COPE: variants seen among roughly 807,000 people sequenced by gnomAD.
COPE encodes coat protein complex I subunit epsilon, also known as coatomer subunit epsilon.
COPE carries 19 observed loss-of-function variants against 42.1 expected under a neutral mutation model. The observed-to-expected ratio is 0.45, with a 90% CI of 0.31 to 0.66. COPE has a LOEUF of 0.66. COPE is among the 30% of genes least tolerant of loss of function. The pLI, the probability that COPE is intolerant of heterozygous loss-of-function variation, is 0.05. For missense variants in COPE, 402 were observed against 416.1 expected, an observed-to-expected ratio of 0.97 and a Z score of 0.30; for synonymous variants, 195 against 181.3, an observed-to-expected ratio of 1.08 and a Z score of -0.60.
At chr19:18,911,314 G>A in intron 2 of COPE, 2 of 535,066 alleles carry the variant, frequency 3.7e-6, no homozygotes, top group East Asian at 3.1e-5. Context: ...GACCCTGGTA[G>A]GTTACTGTCT....
rs2056806132 is a variant in COPE, at chr19:18,911,108, C to A, written c.190-37G>T. On this transcript the variant is annotated intron_variant, in intron 2 of 9. Coordinates refer to ENST00000262812, the MANE Select transcript of COPE (RefSeq NM_007263.4). ...ACGAGGCGTCAGCTGCACCCGTCCA[C>A]CCCAGAGGATTTCCATGTCTTCAGC... The A allele has an allele frequency of 5.1e-6, 8 of 1,568,038 alleles. No individual in the cohort carries two copies. In the South Asian group the frequency reaches 8.9e-5, roughly 17 times the overall value.
At chr19:18,903,669 G>A (rs1370463249) in intron 6 of COPE, among the ~76,000 whole-genome samples, 1 of 152,248 alleles carries the variant, frequency 6.6e-6, no homozygotes, top group African/African-American at 2.4e-5. Context: ...GTACACAGAG[G>A]TGGAATCTGG....
chr19:18,919,288 C>T lies in COPE; in HGVS notation c.61G>A (p.Asp21Asn). 6.2e-7 allele frequency: 1 copy of T among 1,613,986 alleles called. No individual in the cohort carries two copies. Among genetic ancestry groups the T allele is most frequent in the Non-Finnish European group, 8.5e-7 (1 of 1,180,018 alleles). Residue 21 changes from aspartate to asparagine, a missense_variant, in exon 1 of 10, where the codon GAC becomes AAC. By Grantham distance (23) the Asp-to-Asn change is conservative (BLOSUM62 1). Transcript: ENST00000262812. ...GGSGEVDELFDVKNAFYIGSY... is the reference protein window; with the variant it reads ...GGSGEVDELFNVKNAFYIGSY... The stretch of plus-strand genomic sequence containing the variant: ...CCGATGTAGAAGGCGTTCTTTACGT[C>T]GAACAGCTCGTCTACCTCCCCGGAG...
intron 3 of COPE, among the ~76,000 whole-genome samples, chr19:18,907,562 A>T (rs1329186479): frequency 6.6e-6 from 1 of 152,158 alleles, no homozygotes; most frequent in Non-Finnish European, 1.5e-5. Context: ...AGCTGCCCTC[A>T]GTCCCTGAGA....
intron 6 of COPE, 107 bp downstream of exon 6, chr19:18,904,664 G>A (rs1229724323): frequency 2.1e-6 from 2 of 959,432 alleles, no homozygotes; most frequent in Non-Finnish European, 3.2e-6. Flanking sequence ...GCCTGATCCT[G>A]GAGCCCCACT....
At chr19:18,905,160 A>G (rs937357865) in intron 5 of COPE, among the ~76,000 whole-genome samples, 4 of 152,094 alleles carry the variant, frequency 2.6e-5, no homozygotes, top group Non-Finnish European at 1.5e-5. Flanking sequence ...CAGTGTGAAC[A>G]ACTCTGAGGC....
intron 7 of COPE, among the ~76,000 whole-genome samples, chr19:18,901,068 C>T (rs2056694255): frequency 6.6e-6 from 1 of 152,218 alleles, no homozygotes; most frequent in Admixed American, 6.5e-5. Context: ...AAGGGGGACA[C>T]CAGCTTGCGC....
chr19:18,909,751 G>C (rs966093860), intron 3 of COPE, among the ~76,000 whole-genome samples: 1 of 152,072 alleles, frequency 6.6e-6, no homozygotes, highest in Non-Finnish European at 1.5e-5. Context: ...GACCTCAGGT[G>C]ATCTGCCCAC....
At chr19:18,903,174 G>A (rs1421842961) in intron 7 of COPE, 94 bp downstream of exon 7, 4 of 1,328,532 alleles carry the variant, frequency 3.0e-6, no homozygotes, top group East Asian at 5.7e-5. Flanking sequence ...ACACCCAGGG[G>A]GTCTCTGCTA....
chr19:18,901,288 G>T (rs1459724500), intron 7 of COPE, among the ~76,000 whole-genome samples: 4 of 152,258 alleles, frequency 2.6e-5, no homozygotes, highest in African/African-American at 9.6e-5. Flanking sequence ...CCTGAGAGGT[G>T]TAACAAAAGC....
chr19:18,905,511 ACGC>A, intron 5 of COPE, 62 bp downstream of exon 5: 1 of 1,470,750 alleles, frequency 6.8e-7, no homozygotes, highest in Non-Finnish European at 9.1e-7. Flanking sequence ...CTGGGCTGTG[ACGC>A]TCTGGGCTGT....
At chr19:18,915,497 C>T (rs919545844) in intron 1 of COPE, among the ~76,000 whole-genome samples, 1 of 152,206 alleles carries the variant, frequency 6.6e-6, no homozygotes, top group African/African-American at 2.4e-5. Context: ...ACCATCAGGA[C>T]GCATGTGTGT....
intron 1 of COPE, among the ~76,000 whole-genome samples, chr19:18,917,241 C>CTTTTTTTTT (rs531312180): frequency 1.3e-4 from 14 of 110,664 alleles, no homozygotes; most frequent in Admixed American, 3.1e-4. Context: ...TTCTTTTTTT[C>CTTTTTTTTT]TTTTTTTTTT....
chr19:18,907,140 C>G (rs938528864), intron 3 of COPE, 28 bp from the exon 4 acceptor site: 8 of 1,602,694 alleles, frequency 5.0e-6, no homozygotes, highest in Non-Finnish European at 6.8e-6. Context: ...TCACGACCCA[C>G]AGCTGGGGTG....
At chr19:18,910,813 A>C (rs2056802430) in intron 3 of COPE, 158 bp downstream of exon 3, 2 of 651,376 alleles carry the variant, frequency 3.1e-6, no homozygotes, top group Non-Finnish European at 5.5e-6. Context: ...CAGGTGAGGG[A>C]AACTGAGGCA....
intron 3 of COPE, among the ~76,000 whole-genome samples, chr19:18,907,370 C>G (rs762357115): frequency 6.6e-6 from 1 of 152,146 alleles, no homozygotes; most frequent in African/African-American, 2.4e-5. Context: ...GAGGAGGCAC[C>G]GTCAGTCTCA....
At position 18,904,814 on chromosome 19, in the gene COPE, G is replaced by C; in HGVS notation, c.536C>G (p.Ala179Gly). The C allele has an allele frequency of 6.4e-7, 1 of 1,555,640 alleles. No individual in the cohort carries two copies. Among genetic ancestry groups the C allele is most frequent in the Non-Finnish European group, 8.7e-7 (1 of 1,149,308 alleles). Residue 179 changes from alanine to glycine, a missense_variant, in exon 6 of 10, where the codon GCC (alanine) becomes GGC (glycine). By Grantham distance (60) the Ala-to-Gly change is moderately conservative (BLOSUM62 0). Transcript: ENST00000262812. ...LKRMQDLDED[A>G]TLTQLATAWV... ...GGCAGTGGCGAGCTGGGTGAGGGTGGCATCCTCGTCCAGGTCCTGCATTCT... is the reference window on the plus strand; with the variant it reads ...GGCAGTGGCGAGCTGGGTGAGGGTGCCATCCTCGTCCAGGTCCTGCATTCT...
intron 7 of COPE, 91 bp from the exon 8 acceptor site, chr19:18,900,540 G>C (rs948071936): frequency 4.2e-5 from 41 of 984,388 alleles, no homozygotes; most frequent in African/African-American, 6.5e-5. Flanking sequence ...CACCACACAA[G>C]GTCACCTCCT....
At chr19:18,905,470 CAACA>C in intron 5 of COPE, 102 bp downstream of exon 5, 2 of 1,178,824 alleles carry the variant, frequency 1.7e-6, no homozygotes, top group Non-Finnish European at 2.3e-6. Context: ...AAAGGAAAGA[CAACA>C]AGAGTAATGA....
Sources: allele counts gnomAD v4.1 joint callset (sites outside exome capture counted in the v4.1 genomes callset), GRCh38; gene constraint gnomAD v4.1.1; transcripts MANE v1.5; gene names NCBI Gene and HGNC (gene_info 2026-07-23, HGNC 2026-07-21).